The following TBK1 variants were observed in gnomAD, a reference collection of about 807,000 sequenced individuals.
TBK1 encodes serine/threonine-protein kinase TBK1.
A neutral mutation model predicts 99.9 loss-of-function variants in TBK1; 37 were observed. The ratio of observed to expected loss-of-function variants is 0.37; its 90% confidence interval spans 0.28 to 0.49. TBK1 has a LOEUF of 0.49. Among genes scored for constraint, TBK1 ranks in the 20% least tolerant of loss-of-function variants. The probability of loss-of-function intolerance (pLI) is 0.98; values close to 1 mark genes in which losing one functional copy is unlikely to be tolerated. For missense variants in TBK1, 644 were observed against 872.5 expected (o/e 0.74, Z 3.30); for synonymous variants, 258 against 279.8 (o/e 0.92, Z 0.78).
rs79528635 is a variant in TBK1, at chr12:64,487,242, G to A, written c.1340+1225G>A. 3.4e-4 allele frequency among the ~76,000 whole-genome samples: 52 copies of A among 152,244 alleles called. No homozygotes were observed. The East Asian group carries it at 9.7e-3, about 28-fold the overall frequency. On this transcript the variant is annotated intron_variant, in intron 11 of 20. Coordinates refer to ENST00000331710, the MANE Select transcript of TBK1 (RefSeq NM_013254.4). ...ACATCATTCAAAGCTTTTGAATTTT[G>A]CGTACACATCATGATGGCCTTGTGG...
intron 5 of TBK1, among the ~76,000 whole-genome samples, chr12:64,471,992 C>G (rs532115262): frequency 1.3e-5 from 2 of 152,198 alleles, no homozygotes; most frequent in African/African-American, 4.8e-5. Flanking sequence ...TCAGACATAT[C>G]CAGGTACTTT....
intron 7 of TBK1, among the ~76,000 whole-genome samples, chr12:64,481,340 C>G (rs2040765977): frequency 6.6e-6 from 1 of 152,126 alleles, no homozygotes; most frequent in South Asian, 2.1e-4. Context: ...CAGTCTTTAG[C>G]ATACCAAGTT....
intron 5 of TBK1, among the ~76,000 whole-genome samples, chr12:64,469,143 T>C (rs1356269076): frequency 6.6e-6 from 1 of 152,054 alleles, no homozygotes; most frequent in East Asian, 1.9e-4. Flanking sequence ...CTGGAGAATG[T>C]GTCATAGAAC....
intron 20 of TBK1, among the ~76,000 whole-genome samples, chr12:64,498,735 T>C (rs749761898): frequency 2.6e-5 from 4 of 152,114 alleles, no homozygotes; most frequent in Admixed American, 1.3e-4. Flanking sequence ...GCAGGCAGAT[T>C]GCCTGAGCTC....
At chr12:64,496,172 GTTAA>G (rs747277057) in intron 15 of TBK1, among the ~76,000 whole-genome samples, 191 bp from the exon 16 acceptor site, 2 of 152,082 alleles carry the variant, frequency 1.3e-5, no homozygotes, top group Non-Finnish European at 2.9e-5. Context: ...AATGTTAACT[GTTAA>G]TTGTTTTTTA....
chr12:64,481,392 A>G (rs1166136790), intron 7 of TBK1, among the ~76,000 whole-genome samples: 2 of 152,168 alleles, frequency 1.3e-5, no homozygotes, highest in African/African-American at 2.4e-5. Flanking sequence ...CAGAAAGTAT[A>G]TTATATAATT....
chr12:64,463,933 G>A (rs1368376057), intron 3 of TBK1, among the ~76,000 whole-genome samples: 4 of 150,174 alleles, frequency 2.7e-5, no homozygotes, highest in South Asian at 2.1e-4. Flanking sequence ...GTGCAATCTC[G>A]GCTCACTGCA....
chr12:64,461,983 G>A (rs1360700587), intron 3 of TBK1, among the ~76,000 whole-genome samples: 2 of 152,220 alleles, frequency 1.3e-5, no homozygotes, highest in African/African-American at 4.8e-5. Context: ...TATGCATGAA[G>A]TATTGCCAGT....
chr12:64,463,122 A>G (rs1316228951), intron 3 of TBK1, among the ~76,000 whole-genome samples: 2 of 152,250 alleles, frequency 1.3e-5, no homozygotes, highest in Non-Finnish European at 2.9e-5. Context: ...CTGTAATCCC[A>G]GCACTTTGGG....
intron 20 of TBK1, among the ~76,000 whole-genome samples, chr12:64,500,502 T>C (rs956668310): frequency 6.6e-6 from 1 of 152,158 alleles, no homozygotes; most frequent in African/African-American, 2.4e-5. Flanking sequence ...CCATCTGTCA[T>C]GGGTATTACA....
chr12:64,482,593 TA>T (rs1372269303), intron 8 of TBK1, among the ~76,000 whole-genome samples: 1 of 152,230 alleles, frequency 6.6e-6, no homozygotes, highest in African/African-American at 2.4e-5. Context: ...ATGGACCATA[TA>T]TACAACACTG....
rs766674038 is a variant in TBK1, at chr12:64,485,439, T to G, written c.1190-16T>G. ...AAAAAGTTTTCTTTCTCATTTTATT[T>G]TACTTCATATTTCAGTTTCCCTCCC... On this transcript the variant is annotated splice_polypyrimidine_tract_variant and intron_variant, in intron 9 of 20. Coordinates refer to ENST00000331710, the MANE Select transcript of TBK1 (RefSeq NM_013254.4). 7.0e-7 allele frequency: 1 copy of G among 1,421,364 alleles called. No homozygotes were observed. Among genetic ancestry groups the G allele is most frequent in the South Asian group, 1.3e-5 (1 of 76,138 alleles). The allele number at this position is 1,421,364 out of a possible 1,614,324, so 88.0% of individuals were successfully genotyped here.
intron 13 of TBK1, among the ~76,000 whole-genome samples, 181 bp downstream of exon 13, chr12:64,490,300 A>G (rs753116089): frequency 2.0e-5 from 3 of 152,276 alleles, no homozygotes; most frequent in Non-Finnish European, 2.9e-5. Flanking sequence ...ACGAGTTATG[A>G]TGGTGCCACT....
In TBK1 at chr12:64,455,950, G is replaced by T. The variant is rs1425135718; in HGVS notation, c.80G>T (p.Arg27Ile). 9 of 1,612,504 alleles carry T rather than the reference G, an allele frequency of 5.6e-6. No individual in the cohort carries two copies. Among genetic ancestry groups the T allele is most frequent in the Non-Finnish European group, 6.8e-6 (8 of 1,179,278 alleles). ...QGATANVFRG[R>I]HKKTGDLFAI... ...GCTACTGCAAATGTCTTTCGTGGAA[G>T]ACATAAGGTTAGTACAGAGAAAACT... The change falls in exon 2 of 21, where the codon AGA becomes ATA. Residue 27 changes from arginine to isoleucine, a missense_variant. Transcript: ENST00000331710.
chr12:64,466,996 G>C lies in TBK1; in HGVS notation c.454G>C (p.Val152Leu), dbSNP rs202011771. 8.1e-6 allele frequency: 13 copies of C among 1,612,680 alleles called. No homozygotes were observed. Among genetic ancestry groups the C allele is most frequent in the Non-Finnish European group, 1.0e-5 (12 of 1,179,256 alleles). ...TGTTATAGGGGAAGATGGACAGTCT[G>C]TGTACAAACTCACAGATTTTGGTGC... is the stretch of plus-strand genomic sequence containing the variant. The part of the protein sequence containing the change: ...MRVIGEDGQS[V>L]YKLTDFGAAR... The change falls in exon 5 of 21, where the codon GTG becomes CTG. Residue 152 changes from valine to leucine, a missense_variant. Val to Leu is a conservative substitution (Grantham distance 32). This residue lies in a region of TBK1 where 148 missense variants were observed against 202.1 expected (regional missense o/e 0.73). Coordinates refer to ENST00000331710, the MANE Select transcript of TBK1 (RefSeq NM_013254.4).
Position 64,486,008 on chromosome 12 carries a change from G to T in TBK1, c.1331G>T (p.Arg444Leu). 6.3e-7 allele frequency: 1 copy of T among 1,581,926 alleles called. No homozygotes were observed. The highest frequency in any genetic ancestry group is 8.6e-7 in the Non-Finnish European group (1 of 1,166,018). ...CAGGAATTAATGCGAAAGGGGATACGATGGCTGATGTAAGTAATAGATTGA... is the reference window on the plus strand; with the variant it reads ...CAGGAATTAATGCGAAAGGGGATACTATGGCTGATGTAAGTAATAGATTGA... ...LYQELMRKGIRWLIELIKDDY... is the reference protein window; with the variant it reads ...LYQELMRKGILWLIELIKDDY... Residue 444 changes from arginine to leucine, a missense_variant, in exon 11 of 21, where the codon CGA becomes CTA. Arg to Leu is a moderately radical substitution (Grantham distance 102, BLOSUM62 -2). Around this residue, in one of 3 missense-constraint regions of TBK1, gnomAD observed 465 missense variants for 588.0 expected, o/e 0.79. Transcript: ENST00000331710.
At chr12:64,470,326 A>G (rs1197326837) in intron 5 of TBK1, among the ~76,000 whole-genome samples, 1 of 152,182 alleles carries the variant, frequency 6.6e-6, no homozygotes, top group East Asian at 1.9e-4. Flanking sequence ...CATATTTTAT[A>G]ATAAAATAAT....
chr12:64,497,871 G>A (rs2040946196), intron 19 of TBK1, 97 bp from the exon 20 acceptor site: 4 of 1,387,156 alleles, frequency 2.9e-6, no homozygotes, highest in Middle Eastern at 1.9e-4. Flanking sequence ...GTTTAATAAG[G>A]TTATCTATTG....
intron 5 of TBK1, among the ~76,000 whole-genome samples, chr12:64,467,773 A>T (rs2040621706): frequency 1.3e-5 from 2 of 152,224 alleles, no homozygotes; most frequent in Admixed American, 1.3e-4. Context: ...AAAGATATCT[A>T]CCACACCCTG....
Sources: gnomAD v4.1 joint callset for allele counts (sites outside exome capture counted in the v4.1 genomes callset) on GRCh38, gnomAD v4.1.1 for gene constraint, gnomAD v4.1.1 regional missense constraint, MANE v1.5 for transcripts, NCBI Gene and HGNC (gene_info 2026-07-23, HGNC 2026-07-21) for gene names.